The following IGF2BP3 variants were observed in gnomAD, a reference collection of about 807,000 sequenced individuals.
IGF2BP3 encodes the protein insulin-like growth factor 2 mRNA-binding protein 3.
A neutral mutation model predicts 73.8 loss-of-function variants in IGF2BP3; 9 were observed. That is an observed-to-expected ratio of 0.12 (90% CI 0.07 to 0.21). IGF2BP3 has a LOEUF of 0.21. IGF2BP3 is among the 10% of genes least tolerant of loss of function. The probability of loss-of-function intolerance (pLI) is 1.00; values close to 1 mark genes in which losing one functional copy is unlikely to be tolerated. For synonymous variants in IGF2BP3, 258 were observed against 256.7 expected (o/e 1.01, Z -0.05); for missense variants, 542 against 714.0 (o/e 0.76, Z 2.75).
At chr7:23,366,886 G>A (rs552823351) in intron 3 of IGF2BP3, among the ~76,000 whole-genome samples, 1 of 151,674 alleles carries the variant, frequency 6.6e-6, no homozygotes, top group South Asian at 2.1e-4. Context: ...ATTTGAATAT[G>A]CTCTTTTATA....
chr7:23,460,019 A>G (rs567435246), intron 2 of IGF2BP3, among the ~76,000 whole-genome samples: 1 of 151,688 alleles, frequency 6.6e-6, no homozygotes, highest in Non-Finnish European at 1.5e-5. Flanking sequence ...GCTTGAGCCA[A>G]GGAGTTCAAG....
At chr7:23,464,033 A>G (rs1426403827) in intron 2 of IGF2BP3, among the ~76,000 whole-genome samples, 1 of 152,312 alleles carries the variant, frequency 6.6e-6, no homozygotes, top group Non-Finnish European at 1.5e-5. Context: ...ATACACTGAT[A>G]AGGAAGGAGT....
rs759114154 is a variant in IGF2BP3 at position 23,468,470 on chromosome 7, G to A, written c.236+12C>T. ...GAGAACAGAATCGGGGCAAACAGAA[G>A]CAGCAGCTCACCTTTGCCTTTTTGG... On this transcript the variant is annotated intron_variant, in intron 2 of 14. Transcript: ENST00000258729. 4.3e-6 allele frequency: 7 copies of A among 1,614,070 alleles called. No individual in the cohort carries two copies. The South Asian group carries it at 4.4e-5, about 10-fold the overall frequency.
intron 2 of IGF2BP3, among the ~76,000 whole-genome samples, chr7:23,428,836 T>A (rs1787594534): frequency 1.3e-5 from 2 of 152,078 alleles, no homozygotes; most frequent in Non-Finnish European, 2.9e-5. Flanking sequence ...TCCTTCAGTA[T>A]CATTATTAAT....
At chr7:23,379,906 AT>A (rs1195383575) in intron 3 of IGF2BP3, among the ~76,000 whole-genome samples, 1 of 152,096 alleles carries the variant, frequency 6.6e-6, no homozygotes, top group African/African-American at 2.4e-5. Flanking sequence ...TGCATCTCTT[AT>A]TGTTAACGAG....
chr7:23,389,392 C>T (rs376573709), intron 3 of IGF2BP3, among the ~76,000 whole-genome samples: 1 of 152,084 alleles, frequency 6.6e-6, no homozygotes, highest in Non-Finnish European at 1.5e-5. Context: ...AAACTCGTGA[C>T]CTGGTGATCT....
At chr7:23,351,075 T>C (rs1784947097) in intron 6 of IGF2BP3, among the ~76,000 whole-genome samples, 1 of 152,134 alleles carries the variant, frequency 6.6e-6, no homozygotes, top group Non-Finnish European at 1.5e-5. Flanking sequence ...GTATCATTTG[T>C]TTTCCATTCA....
At chr7:23,408,479 A>G (rs12670770) in intron 3 of IGF2BP3, among the ~76,000 whole-genome samples, 40,109 of 151,422 alleles carry the variant, frequency 0.26, 5,613 homozygotes, top group South Asian at 0.34. Flanking sequence ...TACTATTTAG[A>G]AAAAAAAACA....
intron 3 of IGF2BP3, among the ~76,000 whole-genome samples, chr7:23,380,227 G>A (rs1291178026): frequency 7.5e-6 from 1 of 133,884 alleles, no homozygotes; most frequent in African/African-American, 2.9e-5. Context: ...GCAGTGGCAC[G>A]ATCTCAGCTC....
At chr7:23,355,177 A>G (rs751594486) in intron 5 of IGF2BP3, among the ~76,000 whole-genome samples, 7 of 152,068 alleles carry the variant, frequency 4.6e-5, no homozygotes, top group Non-Finnish European at 7.4e-5. Flanking sequence ...AAAGATGTTT[A>G]TCCAACATGT....
At chr7:23,364,289 G>C (rs1342641611) in intron 3 of IGF2BP3, among the ~76,000 whole-genome samples, 1 of 151,554 alleles carries the variant, frequency 6.6e-6, no homozygotes, top group Non-Finnish European at 1.5e-5. Context: ...CAGGAGAACT[G>C]CTTGAACCCA....
At chr7:23,448,804 G>A (rs974182579) in intron 2 of IGF2BP3, among the ~76,000 whole-genome samples, 3 of 151,966 alleles carry the variant, frequency 2.0e-5, no homozygotes, top group African/African-American at 7.3e-5. Flanking sequence ...TAATTTTTTT[G>A]TATTTTTAGT....
chr7:23,358,758 T>G (rs1785155976), intron 5 of IGF2BP3, among the ~76,000 whole-genome samples: 2 of 152,228 alleles, frequency 1.3e-5, no homozygotes, highest in Non-Finnish European at 2.9e-5. Context: ...ACTGATAATT[T>G]TTTTACCACT....
chr7:23,434,496 G>A (rs1787761895), intron 2 of IGF2BP3, among the ~76,000 whole-genome samples: 1 of 152,116 alleles, frequency 6.6e-6, no homozygotes, highest in South Asian at 2.1e-4. Context: ...AAGAAAATAA[G>A]CAAATAATTG....
chr7:23,447,849 T>G (rs938165388), intron 2 of IGF2BP3, among the ~76,000 whole-genome samples: 4 of 151,976 alleles, frequency 2.6e-5, no homozygotes, highest in Non-Finnish European at 4.4e-5. Flanking sequence ...GGCATGATGG[T>G]GTGTGCCTGT....
intron 3 of IGF2BP3, among the ~76,000 whole-genome samples, chr7:23,367,194 T>C (rs1403482795): frequency 6.6e-6 from 1 of 152,108 alleles, no homozygotes; most frequent in East Asian, 1.9e-4. Context: ...GCCAGGCTAG[T>C]CCCGAATTCC....
chr7:23,330,513 G>C (rs928083750), intron 10 of IGF2BP3, among the ~76,000 whole-genome samples: 2 of 151,948 alleles, frequency 1.3e-5, no homozygotes, highest in Non-Finnish European at 2.9e-5. Context: ...CTTTTGCGTA[G>C]TTGGCAAAAG....
At chr7:23,420,249 T>G (rs910716520) in intron 2 of IGF2BP3, among the ~76,000 whole-genome samples, 39 of 152,326 alleles carry the variant, frequency 2.6e-4, no homozygotes, top group African/African-American at 8.7e-4. Flanking sequence ...GAGGATCACC[T>G]GAGCCCAGGA....
chr7:23,383,154 C>G (rs1785966097), intron 3 of IGF2BP3, among the ~76,000 whole-genome samples: 1 of 152,074 alleles, frequency 6.6e-6, no homozygotes, highest in African/African-American at 2.4e-5. Flanking sequence ...TCAAAATAAT[C>G]TAATTATTTA....
Sources: allele counts gnomAD v4.1 joint callset (sites outside exome capture counted in the v4.1 genomes callset), GRCh38; gene constraint gnomAD v4.1.1; transcripts MANE v1.5; gene names NCBI Gene and HGNC (gene_info 2026-07-23, HGNC 2026-07-21).